The following ASTN2 variants were observed in gnomAD, a reference collection of about 807,000 sequenced individuals.
ASTN2 encodes astrotactin-2.
Under a neutral mutation model 139.8 loss-of-function variants are expected in ASTN2, and 54 were observed. The observed-to-expected ratio is 0.39, with a 90% CI of 0.31 to 0.48. The LOEUF is 0.48. Among genes scored for constraint, ASTN2 ranks in the 20% least tolerant of loss-of-function variants. The pLI, the probability that ASTN2 is intolerant of heterozygous loss-of-function variation, is 0.95. For synonymous variants in ASTN2, 756 were observed against 719.5 expected, an observed-to-expected ratio of 1.05 and a Z score of -0.81; for missense variants, 1,565 against 1,725.1, an observed-to-expected ratio of 0.91 and a Z score of 1.64.
intron 4 of ASTN2, among the ~76,000 whole-genome samples, chr9:117,108,647 T>C (rs1342292733): frequency 6.6e-6 from 1 of 152,160 alleles, no homozygotes; most frequent in Admixed American, 6.6e-5. Flanking sequence ...GAGTTCTCAC[T>C]AGGGAAAACC....
chr9:116,677,237 G>C (rs1477531657), intron 16 of ASTN2, among the ~76,000 whole-genome samples: 1 of 151,914 alleles, frequency 6.6e-6, no homozygotes, highest in African/African-American at 2.4e-5. Flanking sequence ...ATGCATACAT[G>C]AGAGGCACTA....
chr9:117,392,501 G>A (rs999443878), intron 1 of ASTN2, among the ~76,000 whole-genome samples: 1 of 152,122 alleles, frequency 6.6e-6, no homozygotes, highest in African/African-American at 2.4e-5. Context: ...TGTTTTTGAA[G>A]TAAGAGCTCC....
At chr9:117,348,141 A>G (rs1829281878) in intron 1 of ASTN2, among the ~76,000 whole-genome samples, 2 of 152,282 alleles carry the variant, frequency 1.3e-5, no homozygotes, top group South Asian at 4.1e-4. Flanking sequence ...TGTTCAGCCT[A>G]GGCCTGGCAC....
chr9:116,604,687 CT>C, intron 19 of ASTN2, among the ~76,000 whole-genome samples: 1 of 152,198 alleles, frequency 6.6e-6, no homozygotes, highest in Non-Finnish European at 1.5e-5. Context: ...TGCCACCATC[CT>C]CTCAGCTACT....
At chr9:116,669,317 GC>G in intron 16 of ASTN2, among the ~76,000 whole-genome samples, 1 of 152,272 alleles carries the variant, frequency 6.6e-6, no homozygotes, top group South Asian at 2.1e-4. Flanking sequence ...CTATGGAGTA[GC>G]CCTGCTCTAC....
At chr9:116,640,567 C>G (rs1172896849) in intron 17 of ASTN2, among the ~76,000 whole-genome samples, 1 of 152,140 alleles carries the variant, frequency 6.6e-6, no homozygotes, top group Non-Finnish European at 1.5e-5. Flanking sequence ...TTTGGCAGGA[C>G]AGAGCACAGT....
chr9:117,062,853 G>A (rs1286979765), intron 5 of ASTN2, among the ~76,000 whole-genome samples: 5 of 152,200 alleles, frequency 3.3e-5, no homozygotes, highest in Non-Finnish European at 7.4e-5. Flanking sequence ...TAGGCTTGTA[G>A]ATAAGACTAG....
chr9:116,813,463 C>T (rs911070154), intron 12 of ASTN2, among the ~76,000 whole-genome samples: 1 of 152,152 alleles, frequency 6.6e-6, no homozygotes, highest in Non-Finnish European at 1.5e-5. Context: ...TTTGGAAAAG[C>T]CAGAACCTTG....
At chr9:116,652,196 T>G (rs188569108) in intron 16 of ASTN2, among the ~76,000 whole-genome samples, 2 of 152,036 alleles carry the variant, frequency 1.3e-5, no homozygotes, top group African/African-American at 4.8e-5. Context: ...CGTGGGGTTA[T>G]GTACCTATAA....
chr9:116,470,847 C>A (rs905684498), intron 20 of ASTN2, among the ~76,000 whole-genome samples: 2 of 152,180 alleles, frequency 1.3e-5, no homozygotes, highest in African/African-American at 4.8e-5. Flanking sequence ...TGGCATATTT[C>A]ATAATGCCAA....
At chr9:117,396,479 C>T (rs1490982076) in intron 1 of ASTN2, among the ~76,000 whole-genome samples, 2 of 152,130 alleles carry the variant, frequency 1.3e-5, no homozygotes, top group Non-Finnish European at 2.9e-5. Context: ...CTTATAATTA[C>T]AAAACTTAAA....
Position 116,970,374 on chromosome 9 carries a change from C to G in ASTN2, c.1889+4834G>C, listed in dbSNP as rs570116810. Reference sequence around the variant, plus strand: ...GGTCCAGGGAATACACTTTGAAAACCAGTGAGCTAGTGACTTCCTGCTAAC... The same window carrying G: ...GGTCCAGGGAATACACTTTGAAAACGAGTGAGCTAGTGACTTCCTGCTAAC... On this transcript the variant is annotated intron_variant, in intron 10 of 22. Transcript: ENST00000313400. 3.3e-4 allele frequency among the ~76,000 whole-genome samples: 50 copies of G among 152,256 alleles called. 2 individuals carry two copies. Among genetic ancestry groups the G allele is most frequent in the Middle Eastern group, 6.8e-3 (2 of 294 alleles).
intron 19 of ASTN2, among the ~76,000 whole-genome samples, chr9:116,587,874 T>C (rs116789124): frequency 8.6e-4 from 131 of 152,276 alleles, no homozygotes; most frequent in African/African-American, 3.0e-3. Context: ...CCCAGGCCCT[T>C]TGAGAGAAGC....
intron 20 of ASTN2, among the ~76,000 whole-genome samples, chr9:116,456,384 G>A (rs1190097923): frequency 6.6e-6 from 1 of 152,130 alleles, no homozygotes; most frequent in African/African-American, 2.4e-5. Flanking sequence ...GATAATCCAT[G>A]TTCATGGATT....
intron 12 of ASTN2, among the ~76,000 whole-genome samples, chr9:116,809,998 G>T (rs1175134681): frequency 6.6e-6 from 1 of 152,166 alleles, no homozygotes; most frequent in Admixed American, 6.5e-5. Flanking sequence ...GTTATGGCAA[G>T]CTTGGAGACC....
At chr9:116,816,737 G>A (rs766083412) in intron 12 of ASTN2, among the ~76,000 whole-genome samples, 5 of 151,996 alleles carry the variant, frequency 3.3e-5, no homozygotes, top group Admixed American at 6.6e-5. Flanking sequence ...GGCCTGTGCA[G>A]CCCCAGAGAA....
intron 19 of ASTN2, chr9:116,543,840 T>C (rs1851978849): frequency 6.6e-6 from 1 of 152,162 alleles, no homozygotes; most frequent in African/African-American, 2.4e-5. Context: ...AGGATGACGC[T>C]TGTGAGGTTC....
intron 1 of ASTN2, among the ~76,000 whole-genome samples, chr9:117,350,797 G>A (rs1007863248): frequency 6.6e-6 from 1 of 152,158 alleles, no homozygotes; most frequent in Non-Finnish European, 1.5e-5. Context: ...AGCATTTAGA[G>A]CAGAGAAAGC....
At chr9:116,614,673 T>G (rs1264886614) in intron 19 of ASTN2, among the ~76,000 whole-genome samples, 4 of 152,140 alleles carry the variant, frequency 2.6e-5, no homozygotes, top group Admixed American at 6.6e-5. Context: ...TAGCCATATG[T>G]AGAAAGCTGA....
Sources: allele counts gnomAD v4.1 joint callset (sites outside exome capture counted in the v4.1 genomes callset), GRCh38; gene constraint gnomAD v4.1.1; transcripts MANE v1.5; gene names NCBI Gene and HGNC (gene_info 2026-07-23, HGNC 2026-07-21).